The following A2ML1 variants were observed in gnomAD, a reference collection of about 807,000 sequenced individuals.
A2ML1 encodes alpha-2-macroglobulin like 1, also known as alpha-2-macroglobulin-like protein 1.
In A2ML1, 161 loss-of-function variants were observed where a neutral mutation model predicts 181.9. The ratio of observed to expected loss-of-function variants is 0.89; its 90% CI spans 0.78 to 1.01. A2ML1 has a LOEUF of 1.01. A2ML1 is among the 50% of genes least tolerant of loss of function. The pLI, the probability that A2ML1 is intolerant of heterozygous loss-of-function variation, is 0.00. For synonymous variants in A2ML1, 663 were observed against 666.8 expected, an observed-to-expected ratio of 0.99 and a Z score of 0.09; for missense variants, 1,670 against 1,768.1, an observed-to-expected ratio of 0.94 and a Z score of 1.00.
At chr12:8,845,358 G>A in intron 12 of A2ML1, 84 bp from the exon 13 acceptor site, 1 of 1,483,840 alleles carries the variant, frequency 6.7e-7, no homozygotes, top group Non-Finnish European at 9.4e-7. Context: ...TCCTCATGAA[G>A]GGATGCAGAG....
At chr12:8,857,386 G>C (rs936855216) in intron 24 of A2ML1, 46 bp downstream of exon 24, 19 of 1,591,204 alleles carry the variant, frequency 1.2e-5, no homozygotes, top group Non-Finnish European at 1.5e-5. Flanking sequence ...CCTCCACTAG[G>C]CCCTATGACA....
intron 9 of A2ML1, among the ~76,000 whole-genome samples, 193 bp from the exon 10 acceptor site, chr12:8,838,914 TAAAAAA>T (rs11314317): frequency 9.0e-6 from 1 of 110,704 alleles, no homozygotes; most frequent in African/African-American, 3.4e-5. Flanking sequence ...GACTCCATCT[TAAAAAA>T]AAAAAAAAAA....
intron 6 of A2ML1, 114 bp from the exon 7 acceptor site, chr12:8,836,141 C>A: frequency 1.3e-6 from 1 of 768,706 alleles, no homozygotes. Flanking sequence ...TAAATAATGC[C>A]TCCTTCATTA....
intron 6 of A2ML1, among the ~76,000 whole-genome samples, chr12:8,835,887 C>T (rs1943255419): frequency 6.6e-6 from 1 of 151,802 alleles, no homozygotes; most frequent in African/African-American, 2.4e-5. Context: ...GTGGCAGGTG[C>T]CTGTAGTCTC....
rs778039298 is a variant in A2ML1, at chr12:8,835,562, T to C, written c.539T>C (p.Ile180Thr). Residue 180 changes from isoleucine to threonine, a missense_variant, in exon 6 of 36, where the codon ATT (isoleucine) becomes ACT (threonine). Coordinates refer to ENST00000299698, the MANE Select transcript of A2ML1 (RefSeq NM_144670.6). ...QWLEVVPEQG[I>T]VDLSFQLAPE... The stretch of plus-strand genomic sequence containing the variant: ...CTGGAAGTGGTACCTGAGCAAGGCA[T>C]TGTAGACCTGTCCTTCCAACTGGCA... The C allele has an allele frequency of 5.6e-6, 9 of 1,614,160 alleles. No homozygotes were observed. Among genetic ancestry groups the C allele is most frequent in the Non-Finnish European group, 7.6e-6 (9 of 1,180,028 alleles).
In A2ML1 at chr12:8,868,047, T is replaced by C; in HGVS notation, c.3923T>C (p.Val1308Ala). ...TTGGAGGCCTCAGGCCAGGGCTGTG[T>C]CTATGTGCAGGTAAGTAGAGATCCA... ...YTLEASGQGC[V>A]YVQTVLRYNI... The change falls in exon 30 of 36, where the codon GTC (valine) becomes GCC (alanine). Residue 1308 changes from valine to alanine, a missense_variant. By Grantham distance (64) the Val-to-Ala change is moderately conservative. Coordinates refer to ENST00000299698, the MANE Select transcript of A2ML1 (RefSeq NM_144670.6). 6.2e-7 allele frequency: 1 copy of C among 1,614,104 alleles called. No individual in the cohort carries two copies. Among genetic ancestry groups the C allele is most frequent in the Non-Finnish European group, 8.5e-7 (1 of 1,179,926 alleles).
intron 16 of A2ML1, 102 bp from the exon 17 acceptor site, chr12:8,849,567 A>G: frequency 1.0e-6 from 1 of 966,250 alleles, no homozygotes; most frequent in Non-Finnish European, 1.6e-6. Flanking sequence ...TAATTCAAAA[A>G]GAATGTTTTG....
intron 16 of A2ML1, among the ~76,000 whole-genome samples, chr12:8,849,442 A>G (rs754398354): frequency 4.2e-4 from 64 of 152,346 alleles, no homozygotes; most frequent in African/African-American, 1.5e-3. Context: ...TGGCAGAACC[A>G]TTACATGTAT....
downstream of A2ML1, among the ~76,000 whole-genome samples, chr12:8,877,528 G>A (rs1256492027): frequency 2.0e-5 from 3 of 152,086 alleles, no homozygotes; most frequent in Non-Finnish European, 4.4e-5. Context: ...TGGGCAAGGG[G>A]CATGAGCAGA....
Position 8,836,303 on chromosome 12 carries a change from C to T in A2ML1, c.692C>T (p.Thr231Met), listed in dbSNP as rs202211381. 4.0e-5 allele frequency: 64 copies of T among 1,613,854 alleles called. No individual in the cohort carries two copies. Among genetic ancestry groups the T allele is most frequent in the African/African-American group, 1.2e-4 (9 of 74,846 alleles). The change falls in exon 7 of 36, where the codon ACG (threonine) becomes ATG (methionine). Residue 231 changes from threonine (T) to methionine (M), a missense_variant. Coordinates refer to ENST00000299698, the MANE Select transcript of A2ML1 (RefSeq NM_144670.6). Reference sequence around the variant, plus strand: ...GTGGTGGAACCCAAGGAGTTATCAACGGTGCAGGAATCTTTCTTAGTAAAA... The same window carrying T: ...GTGGTGGAACCCAAGGAGTTATCAATGGTGCAGGAATCTTTCTTAGTAAAA... The part of the protein sequence containing the change: ...VEVVEPKELS[T>M]VQESFLVKIC...
rs770036977 is a variant in A2ML1, at chr12:8,843,864, G to A, written c.1476+503G>A. On this transcript the variant is annotated intron_variant, in intron 12 of 35. Coordinates refer to ENST00000299698, the MANE Select transcript of A2ML1 (RefSeq NM_144670.6). The stretch of plus-strand genomic sequence containing the variant: ...CTCCCAAGTAGCTGGGACTACAGGC[G>A]CCCGCCACCACGCCCAGCTAATTTT... 5.9e-5 allele frequency among the ~76,000 whole-genome samples: 9 copies of A among 151,772 alleles called. No individual in the cohort carries two copies. In the South Asian group the frequency reaches 6.3e-4, roughly 11 times the overall value.
chr12:8,869,411 T>C (rs776382266), intron 33 of A2ML1, among the ~76,000 whole-genome samples: 1 of 151,962 alleles, frequency 6.6e-6, no homozygotes, highest in African/African-American at 2.4e-5. Flanking sequence ...AGACCTATAA[T>C]GTGAGCCGTT....
chr12:8,830,588 AATC>A (rs1680228019), intron 4 of A2ML1: 1 of 152,188 alleles, frequency 6.6e-6, no homozygotes, highest in African/African-American at 2.4e-5. Context: ...CCATCCCTAG[AATC>A]ATAAGCCTTA....
Position 8,852,744 on chromosome 12 carries a change from T to C in A2ML1, c.2590+408T>C, listed in dbSNP as rs760531613. The stretch of plus-strand genomic sequence containing the variant: ...GGAAGTCTCGCTCTGTTGCGCAGGC[T>C]GGAGTGCAGTGGTGCAATCTGTGCT... On this transcript the variant is annotated intron_variant, in intron 20 of 35. Coordinates refer to ENST00000299698, the MANE Select transcript of A2ML1 (RefSeq NM_144670.6). This position sits in a 1 kb window ranked among gnomAD's most constrained non-coding sequence, Gnocchi z 4.2. 3.3e-5 allele frequency among the ~76,000 whole-genome samples: 5 copies of C among 152,222 alleles called. No homozygotes were observed. Among genetic ancestry groups the C allele is most frequent in the African/African-American group, 7.2e-5 (3 of 41,458 alleles).
intron 28 of A2ML1, among the ~76,000 whole-genome samples, chr12:8,863,270 C>T (rs772156797): frequency 6.6e-6 from 1 of 152,182 alleles, no homozygotes; most frequent in South Asian, 2.1e-4. Flanking sequence ...CCACGCCTGG[C>T]TAATTTTGTA....
Position 8,858,079 on chromosome 12 carries a change from A to C in A2ML1, c.3241A>C (p.Asn1081His). The C allele has an allele frequency of 6.2e-7, 1 of 1,614,136 alleles. No individual in the cohort carries two copies. Among genetic ancestry groups the C allele is most frequent in the Non-Finnish European group, 8.5e-7 (1 of 1,180,028 alleles). ...CAGTGGCTGCTATGCCAACGTGGGA[A>C]ATCTCCTTCACACAGCTATGAAGGT... is the stretch of plus-strand genomic sequence containing the variant. ...LPSGCYANVG[N>H]LLHTAMKGGV... Residue 1081 changes from asparagine (N) to histidine (H), a missense_variant, in exon 26 of 36, where the codon AAT becomes CAT. Physicochemically the swap from Asn to His is moderately conservative, Grantham distance 68. Transcript: ENST00000299698.
rs760322612 is a variant in A2ML1 at position 8,846,052 on chromosome 12, C to T, written c.1538-25C>T. The T allele has an allele frequency of 4.3e-6, 7 of 1,612,408 alleles. No homozygotes were observed. In the Admixed American group the frequency reaches 1.2e-4, roughly 27 times the overall value. ...CAGGTGAATGTGCATTCTGATTTTCCTGTATATTCCCTCTTCTCTTTCAGG... is the reference window on the plus strand; with the variant it reads ...CAGGTGAATGTGCATTCTGATTTTCTTGTATATTCCCTCTTCTCTTTCAGG... On this transcript the variant is annotated intron_variant, in intron 13 of 35. Transcript: ENST00000299698.
In A2ML1 at chr12:8,829,711, G is replaced by A; in HGVS notation, c.410-16G>A. ...AGGAAACATCCCCTTTGCTAATGATGCCTGTTCCTTTCCAGTGTATTTCCG... is the reference window on the plus strand; with the variant it reads ...AGGAAACATCCCCTTTGCTAATGATACCTGTTCCTTTCCAGTGTATTTCCG... On this transcript the variant is annotated splice_polypyrimidine_tract_variant and intron_variant, in intron 3 of 35. Transcript: ENST00000299698. 6.2e-7 allele frequency: 1 copy of A among 1,607,338 alleles called. No individual in the cohort carries two copies.
At chr12:8,826,826 C>T (rs1320028765) in intron 3 of A2ML1, among the ~76,000 whole-genome samples, 1 of 150,894 alleles carries the variant, frequency 6.6e-6, no homozygotes, top group Non-Finnish European at 1.5e-5. Context: ...GCCATGTTGG[C>T]CAGGCTGGTC....
Sources: gnomAD v4.1 joint callset for allele counts (sites outside exome capture counted in the v4.1 genomes callset) on GRCh38, gnomAD v4.1.1 for gene constraint, Gnocchi (gnomAD v3.1) non-coding constraint, MANE v1.5 for transcripts, NCBI Gene and HGNC (gene_info 2026-07-23, HGNC 2026-07-21) for gene names.